Variants in CYP19A1 observed in about 807,000 individuals in gnomAD.
CYP19A1 encodes the protein cytochrome P450 family 19 subfamily A member 1.
Under a neutral mutation model 44.4 loss-of-function variants are expected in CYP19A1, and 32 were observed. The observed-to-expected ratio is 0.72, with a 90% CI of 0.54 to 0.97. CYP19A1 has a LOEUF of 0.97. Ranked by LOEUF, CYP19A1 falls within the 50% of genes least tolerant of loss-of-function variation. The pLI is 0.00. For synonymous variants in CYP19A1, 212 were observed against 215.6 expected (o/e 0.98, Z 0.14); for missense variants, 598 against 637.8 (o/e 0.94, Z 0.67).
chr15:51,310,891 T>G (rs575158033), intron 1 of CYP19A1, among the ~76,000 whole-genome samples: 5 of 152,288 alleles, frequency 3.3e-5, no homozygotes, highest in African/African-American at 1.2e-4. Flanking sequence ...TGTGCATGTG[T>G]GGAACACAAA....
intron 1 of CYP19A1, among the ~76,000 whole-genome samples, chr15:51,251,728 A>T (rs1440329882): frequency 6.6e-6 from 1 of 152,210 alleles, no homozygotes; most frequent in African/African-American, 2.4e-5. Flanking sequence ...TCAGTGGCCC[A>T]TAGCTACCAC....
chr15:51,290,688 G>C (rs1478017104), intron 1 of CYP19A1, among the ~76,000 whole-genome samples: 1 of 152,214 alleles, frequency 6.6e-6, no homozygotes, highest in Non-Finnish European at 1.5e-5. Flanking sequence ...ATGAAGAGTT[G>C]CGGGGCCACT....
At chr15:51,266,797 G>A (rs1436633521) in intron 1 of CYP19A1, among the ~76,000 whole-genome samples, 1 of 152,188 alleles carries the variant, frequency 6.6e-6, no homozygotes. Context: ...AGCCTTCCCT[G>A]GTCTGGTCTT....
At chr15:51,273,578 G>A (rs900953597) in intron 1 of CYP19A1, among the ~76,000 whole-genome samples, 30 of 152,108 alleles carry the variant, frequency 2.0e-4, no homozygotes, top group Non-Finnish European at 3.7e-4. Context: ...GGAGTCAAGA[G>A]AACTGAGCTC....
intron 8 of CYP19A1, among the ~76,000 whole-genome samples, chr15:51,213,554 T>C (rs556898475): frequency 7.9e-5 from 12 of 152,126 alleles, no homozygotes; most frequent in African/African-American, 1.7e-4. Context: ...GAAAAGAAGA[T>C]GATGGAGAAG....
intron 5 of CYP19A1, among the ~76,000 whole-genome samples, chr15:51,219,347 T>G (rs2031868175): frequency 6.6e-6 from 1 of 152,204 alleles, no homozygotes; most frequent in Non-Finnish European, 1.5e-5. Flanking sequence ...AAACCCTTAT[T>G]TTTTCAAATT....
intron 1 of CYP19A1, among the ~76,000 whole-genome samples, chr15:51,272,607 G>A (rs917641080): frequency 2.6e-5 from 4 of 152,174 alleles, no homozygotes; most frequent in Non-Finnish European, 4.4e-5. Flanking sequence ...ATATTAATGA[G>A]TTCGTACCTT....
intron 1 of CYP19A1, among the ~76,000 whole-genome samples, chr15:51,286,299 C>T (rs2035696836): frequency 6.6e-6 from 1 of 152,198 alleles, no homozygotes; most frequent in Non-Finnish European, 1.5e-5. Context: ...TATAAATATT[C>T]TCTCTTCTAC....
intron 1 of CYP19A1, chr15:51,280,125 T>A (rs1003359260): frequency 4.7e-5 from 7 of 148,108 alleles, no homozygotes; most frequent in Non-Finnish European, 8.9e-5. Flanking sequence ...TTCTTTTTTT[T>A]TTTTTTTTTT....
chr15:51,220,314 A>C (rs2031963840), intron 5 of CYP19A1, among the ~76,000 whole-genome samples: 1 of 152,170 alleles, frequency 6.6e-6, no homozygotes, highest in African/African-American at 2.4e-5. Context: ...TTTGCCTTCA[A>C]GGCACTTATT....
intron 1 of CYP19A1, among the ~76,000 whole-genome samples, chr15:51,301,102 G>T (rs1248205084): frequency 6.6e-6 from 1 of 152,180 alleles, no homozygotes; most frequent in Non-Finnish European, 1.5e-5. Context: ...GAGGTATTTC[G>T]CTGGGGCTTG....
At chr15:51,321,574 C>T (rs1164343663) in intron 1 of CYP19A1, 1 of 152,222 alleles carries the variant, frequency 6.6e-6, no homozygotes, top group Non-Finnish European at 1.5e-5. Context: ...AAGAAAAGAC[C>T]TTCTAACTTG....
intron 1 of CYP19A1, among the ~76,000 whole-genome samples, chr15:51,317,312 T>C (rs149887563): frequency 2.5e-3 from 378 of 152,294 alleles, no homozygotes; most frequent in African/African-American, 8.8e-3. Context: ...GGTTTCACCA[T>C]GTTAGCCAGG....
At chr15:51,258,577 C>T (rs973353955) in intron 1 of CYP19A1, among the ~76,000 whole-genome samples, 9 of 152,216 alleles carry the variant, frequency 5.9e-5, no homozygotes, top group African/African-American at 2.2e-4. Context: ...CCTCTGCCTT[C>T]AGGAGGATCC....
In CYP19A1 at chr15:51,222,349, C is replaced by T. The variant is rs121434538; in HGVS notation, c.628G>A (p.Glu210Lys). 5.6e-6 allele frequency: 9 copies of T among 1,614,042 alleles called. No individual in the cohort carries two copies. The highest frequency in any genetic ancestry group is 2.2e-5 in the East Asian group (1 of 44,876). The change falls in exon 5 of 10, where the codon GAA becomes AAA. Residue 210 changes from glutamate (E) to lysine (K), a missense_variant and splice_region_variant. Glu to Lys is a moderately conservative substitution (Grantham distance 56). Coordinates refer to ENST00000396402, the MANE Select transcript of CYP19A1 (RefSeq NM_000103.4). The stretch of plus-strand genomic sequence containing the variant: ...GATGTGAGAGTGAAAATTTCAGTAC[C>T]GTCCAAAGGGATCCTCAAGAAGAGC... ...NTLFLRIPLD[E>K]SAIVVKIQGY... is the part of the protein sequence containing the mutation.
chr15:51,324,715 C>G (rs1009385418), intron 1 of CYP19A1, among the ~76,000 whole-genome samples: 1 of 152,156 alleles, frequency 6.6e-6, no homozygotes, highest in Admixed American at 6.5e-5. Flanking sequence ...TGAGAAAAAG[C>G]AATGGAAGAT....
chr15:51,289,271 C>T (rs2035787554), intron 1 of CYP19A1, among the ~76,000 whole-genome samples: 1 of 152,184 alleles, frequency 6.6e-6, no homozygotes, highest in Non-Finnish European at 1.5e-5. Flanking sequence ...CTCAAGATTC[C>T]AGAGACATTT....
chr15:51,289,633 C>T (rs1566913590), intron 1 of CYP19A1, among the ~76,000 whole-genome samples: 1 of 152,218 alleles, frequency 6.6e-6, no homozygotes, highest in African/African-American at 2.4e-5. Context: ...ACTCTCCAGC[C>T]AGCCAGGGTT....
intron 1 of CYP19A1, among the ~76,000 whole-genome samples, chr15:51,274,469 G>T (rs2035234945): frequency 6.6e-6 from 1 of 152,202 alleles, no homozygotes; most frequent in Non-Finnish European, 1.5e-5. Flanking sequence ...ATGAACTGAA[G>T]TGTAACAGGT....
Sources: allele counts gnomAD v4.1 joint callset (sites outside exome capture counted in the v4.1 genomes callset), GRCh38; gene constraint gnomAD v4.1.1; transcripts MANE v1.5; gene names NCBI Gene and HGNC (gene_info 2026-07-23, HGNC 2026-07-21).